SYNE1: variants seen among roughly 807,000 people sequenced by gnomAD.
The protein encoded by SYNE1 is nesprin-1.
Under a neutral mutation model 1,111.0 loss-of-function variants are expected in SYNE1, and 616 were observed. The observed-to-expected ratio is 0.55, with a 90% CI of 0.52 to 0.59. The LOEUF (loss-of-function observed/expected upper bound fraction) is 0.59, where lower values mean the gene tolerates loss of function less well. SYNE1 is among the 20% of genes least tolerant of loss of function. The probability of loss-of-function intolerance (pLI) is 0.00; values close to 1 mark genes in which losing one functional copy is unlikely to be tolerated. For missense variants in SYNE1, 10,006 were observed against 10,417.0 expected (o/e 0.96, Z 1.72); for synonymous variants, 3,855 against 3,825.8 (o/e 1.01, Z -0.28).
rs146567226 is a variant in SYNE1 at position 152,433,879 on chromosome 6, G to A, written c.4377C>T (p.Ser1459=). 341 of 1,613,588 alleles carry A rather than the reference G, an allele frequency of 2.1e-4. No individual in the cohort carries two copies. The highest frequency in any genetic ancestry group is 2.8e-4 in the Non-Finnish European group (329 of 1,179,798). The change falls in exon 34 of 146, where the codon TCC becomes TCT. Residue 1459 remains serine (S), a synonymous_variant. Transcript: ENST00000367255. The part of the protein sequence containing the change: ...DHFGSNFETL[S]VWITEKEKEL... ...CTTTTTCTTTCTCAGTTATCCAGAC[G>A]GACAGAGTCTCAAAATTACTGCCAA... is the stretch of plus-strand genomic sequence containing the variant.
chr6:152,568,527 T>C (rs1281925499), intron 3 of SYNE1, among the ~76,000 whole-genome samples: 2 of 152,126 alleles, frequency 1.3e-5, no homozygotes, highest in Non-Finnish European at 2.9e-5. Context: ...GGTCTTGCAC[T>C]CCTGACCTCA....
rs1209590450 is a variant in SYNE1 at position 152,415,789 on chromosome 6, TAAAAA to T, written c.6050+593_6050+597del. Among the ~76,000 whole-genome samples, 95 of 73,038 alleles carry T rather than the reference TAAAAA, an allele frequency of 1.3e-3. 1 individual carries two copies. Among genetic ancestry groups the T allele is most frequent in the African/African-American group, 4.4e-3 (75 of 17,136 alleles). 47.9% of individuals were successfully genotyped at this position (73,038 alleles called of 152,430 possible). ...GTCGTTAATCTTATCTTCAAAGTGG[TAAAAA>T]AAAAAAAAAAAAAAAAAAAAAGAAG... is the stretch of plus-strand genomic sequence containing the variant. On this transcript the variant is annotated intron_variant, in intron 41 of 145. Transcript: ENST00000367255.
intron 12 of SYNE1, among the ~76,000 whole-genome samples, chr6:152,485,414 A>G (rs754667344): frequency 1.3e-4 from 20 of 152,224 alleles, no homozygotes; most frequent in Non-Finnish European, 1.3e-4. Context: ...CAATTTACAA[A>G]TAGAAATTGC....
At chr6:152,624,277 C>A (rs2099681677) in intron 3 of SYNE1, among the ~76,000 whole-genome samples, 1 of 151,998 alleles carries the variant, frequency 6.6e-6, no homozygotes, top group Admixed American at 6.6e-5. Context: ...TTGATGTCAC[C>A]CCATCCTACA....
chr6:152,616,665 T>C (rs1329857759), intron 3 of SYNE1, among the ~76,000 whole-genome samples: 3 of 152,176 alleles, frequency 2.0e-5, no homozygotes, highest in African/African-American at 4.8e-5. Flanking sequence ...TTTTATAAGA[T>C]TGATTCCAGA....
chr6:152,141,318 C>T lies in SYNE1; in HGVS notation c.25131G>A (p.Leu8377=), dbSNP rs2058501697. The change falls in exon 139 of 146, where the codon CTG becomes CTA. Residue 8377 remains leucine (L), a synonymous_variant. Transcript: ENST00000367255. ...DTSYKGYMKL[L]GECSSSIDSV... Reference sequence around the variant, plus strand: ...AGTCTATACTGCTACTGCATTCGCCCAGCAGTTTCATCTGTTTAGACATAA... The same window carrying T: ...AGTCTATACTGCTACTGCATTCGCCTAGCAGTTTCATCTGTTTAGACATAA... The T allele has an allele frequency of 6.2e-7, 1 of 1,614,074 alleles. No homozygotes were observed. Among genetic ancestry groups the T allele is most frequent in the Non-Finnish European group, 8.5e-7 (1 of 1,180,032 alleles).
intron 3 of SYNE1, among the ~76,000 whole-genome samples, chr6:152,609,091 A>G (rs2099624051): frequency 6.6e-6 from 1 of 152,006 alleles, no homozygotes; most frequent in South Asian, 2.1e-4. Context: ...CAACTGAGGT[A>G]CCTGGTTCCT....
intron 145 of SYNE1, chr6:152,125,188 A>G: frequency 6.7e-7 from 1 of 1,498,842 alleles, no homozygotes; most frequent in Non-Finnish European, 9.0e-7. Flanking sequence ...TGCCCACCGC[A>G]CTCTCTGCTG....
At chr6:152,190,500 G>T (rs555302631) in intron 127 of SYNE1, among the ~76,000 whole-genome samples, 1 of 151,994 alleles carries the variant, frequency 6.6e-6, no homozygotes, top group Admixed American at 6.5e-5. Context: ...ATATATATGG[G>T]GTATATGAGA....
intron 46 of SYNE1, among the ~76,000 whole-genome samples, chr6:152,401,664 CA>C (rs1445808206): frequency 1.3e-5 from 2 of 152,108 alleles, no homozygotes; most frequent in Non-Finnish European, 2.9e-5. Context: ...AGGTGGTGAC[CA>C]AAAATCTGCT....
intron 100 of SYNE1, among the ~76,000 whole-genome samples, chr6:152,262,570 G>A (rs1368270377): frequency 6.6e-6 from 1 of 152,168 alleles, no homozygotes; most frequent in Non-Finnish European, 1.5e-5. Context: ...ACAGGACACA[G>A]GAGGGCGGTG....
At chr6:152,278,587 C>CGAGCA (rs1562731017) in intron 97 of SYNE1, among the ~76,000 whole-genome samples, 3 of 152,016 alleles carry the variant, frequency 2.0e-5, no homozygotes, top group Non-Finnish European at 2.9e-5. Context: ...CTCAGCCTCC[C>CGAGCA]GAGCAGCTGG....
chr6:152,213,501 T>G, intron 123 of SYNE1, 111 bp downstream of exon 123: 4 of 1,237,994 alleles, frequency 3.2e-6, no homozygotes, highest in Non-Finnish European at 4.8e-6. Flanking sequence ...ATGCATGCAT[T>G]TAGACACTCG....
chr6:152,369,350 AAC>A, intron 60 of SYNE1, 119 bp downstream of exon 60: 1 of 1,497,638 alleles, frequency 6.7e-7, no homozygotes, highest in Non-Finnish European at 9.2e-7. Context: ...AATGGGGAAA[AAC>A]ACACTATGTC....
At chr6:152,472,488 C>T in intron 14 of SYNE1, 75 bp from the exon 15 acceptor site, 1 of 1,341,652 alleles carries the variant, frequency 7.5e-7, no homozygotes, top group African/African-American at 1.4e-5. Flanking sequence ...AATTTCCAGC[C>T]CGCACCGATG....
intron 127 of SYNE1, among the ~76,000 whole-genome samples, chr6:152,195,688 T>C (rs1587515730): frequency 6.6e-6 from 1 of 152,340 alleles, no homozygotes; most frequent in East Asian, 1.9e-4. Context: ...AGTTCCCTGG[T>C]ACTGGTGGAG....
At chr6:152,500,193 T>C (rs1355606843) in intron 10 of SYNE1, among the ~76,000 whole-genome samples, 1 of 152,212 alleles carries the variant, frequency 6.6e-6, no homozygotes, top group African/African-American at 2.4e-5. Flanking sequence ...ATTTTCTCTG[T>C]GCTATATGAG....
In SYNE1 at chr6:152,526,534, C is replaced by T. The variant is rs76460280; in HGVS notation, c.130-359G>A. On this transcript the variant is annotated intron_variant, in intron 4 of 145. Coordinates refer to ENST00000367255, the MANE Select transcript of SYNE1 (RefSeq NM_182961.4). ...AGATAAGAGAGAGATTATAGCAGGA[C>T]GTAAAAGCAGAGCAAGAGCTGCATG... Among the ~76,000 whole-genome samples, 1,321 of 152,218 alleles carry T rather than the reference C, an allele frequency of 8.7e-3. 26 individuals are homozygous for T. Among genetic ancestry groups the T allele is most frequent in the African/African-American group, 0.03 (1,261 of 41,528 alleles).
At chr6:152,476,723 G>A (rs988435920) in intron 14 of SYNE1, among the ~76,000 whole-genome samples, 1 of 151,986 alleles carries the variant, frequency 6.6e-6, no homozygotes, top group Non-Finnish European at 1.5e-5. Flanking sequence ...ACAAAAATTA[G>A]TCAGGTGTGG....
Sources: gnomAD v4.1 joint callset for allele counts (sites outside exome capture counted in the v4.1 genomes callset) on GRCh38, gnomAD v4.1.1 for gene constraint, MANE v1.5 for transcripts, NCBI Gene and HGNC (gene_info 2026-07-23, HGNC 2026-07-21) for gene names.